Variants in SORCS1 observed in about 807,000 individuals in gnomAD.
SORCS1 encodes sortilin related VPS10 domain containing receptor 1, also known as VPS10 domain-containing receptor SorCS1.
Under a neutral mutation model 146.1 loss-of-function variants are expected in SORCS1, and 60 were observed. That is an observed-to-expected ratio of 0.41 (90% CI 0.33 to 0.51). SORCS1 has a LOEUF of 0.51. Ranked by LOEUF, SORCS1 falls within the 20% of genes least tolerant of loss-of-function variation. The pLI is 0.21. For missense variants in SORCS1, 1,352 were observed against 1,487.6 expected (o/e 0.91, Z 1.50); for synonymous variants, 637 against 584.0 (o/e 1.09, Z -1.31).
At chr10:106,588,562 A>G (rs892909997) in intron 24 of SORCS1, among the ~76,000 whole-genome samples, 2 of 152,136 alleles carry the variant, frequency 1.3e-5, no homozygotes, top group African/African-American at 4.8e-5. Flanking sequence ...GAAACTTGCT[A>G]AAAATGAAGA....
At chr10:107,162,804 G>A (rs1259531026) in intron 1 of SORCS1, among the ~76,000 whole-genome samples, 1 of 152,166 alleles carries the variant, frequency 6.6e-6, no homozygotes, top group African/African-American at 2.4e-5. Flanking sequence ...AACAGAAAAC[G>A]TTTTGAAAGG....
chr10:106,894,664 A>G, intron 2 of SORCS1, among the ~76,000 whole-genome samples: 1 of 152,220 alleles, frequency 6.6e-6, no homozygotes, highest in East Asian at 1.9e-4. Context: ...TAAGAAAAGC[A>G]GTTGCTCATG....
chr10:106,981,266 G>A (rs1956236272), intron 1 of SORCS1, among the ~76,000 whole-genome samples: 1 of 152,182 alleles, frequency 6.6e-6, no homozygotes, highest in African/African-American at 2.4e-5. Context: ...TTGCAAGAAT[G>A]CATTTGTGGT....
intron 18 of SORCS1, among the ~76,000 whole-genome samples, chr10:106,646,938 T>C (rs1311620446): frequency 6.7e-6 from 1 of 149,600 alleles, no homozygotes; most frequent in Non-Finnish European, 1.5e-5. Flanking sequence ...ATATGTTTCT[T>C]GACTCTCCTT....
At chr10:106,954,004 T>G (rs542553964) in intron 2 of SORCS1, among the ~76,000 whole-genome samples, 1 of 152,308 alleles carries the variant, frequency 6.6e-6, no homozygotes, top group Admixed American at 6.5e-5. Flanking sequence ...TGATGCCATT[T>G]TTTAAATTAA....
intron 1 of SORCS1, among the ~76,000 whole-genome samples, chr10:107,079,182 C>T (rs139589619): frequency 4.0e-4 from 61 of 150,858 alleles, no homozygotes; most frequent in East Asian, 3.1e-3. Flanking sequence ...GCTGAGATTG[C>T]GCCACTGCAC....
At chr10:107,157,408 GT>G (rs932393471) in intron 1 of SORCS1, among the ~76,000 whole-genome samples, 3 of 151,952 alleles carry the variant, frequency 2.0e-5, no homozygotes, top group Non-Finnish European at 4.4e-5. Context: ...GGAACATCTT[GT>G]TTTTTTTATC....
At chr10:107,173,475 T>C in the SORCS1 span, among the ~76,000 whole-genome samples, 59 of 152,180 alleles carry the variant, frequency 3.9e-4, no homozygotes, top group African/African-American at 1.4e-3. Context: ...TCACTATTTA[T>C]ATATACATTA....
chr10:107,091,828 A>G (rs1388972403), intron 1 of SORCS1, among the ~76,000 whole-genome samples: 2 of 152,230 alleles, frequency 1.3e-5, no homozygotes, highest in African/African-American at 4.8e-5. Context: ...CCAGATGGTA[A>G]AATGCAAAAA....
chr10:107,023,986 C>A (rs1301252955), intron 1 of SORCS1, among the ~76,000 whole-genome samples: 2 of 151,896 alleles, frequency 1.3e-5, no homozygotes, highest in Non-Finnish European at 2.9e-5. Flanking sequence ...CCAGCCTGAC[C>A]AACATGGTGA....
At chr10:106,829,455 A>G (rs946880102) in intron 3 of SORCS1, 119 bp downstream of exon 3, 2 of 665,236 alleles carry the variant, frequency 3.0e-6, no homozygotes, top group South Asian at 2.2e-5. Context: ...CCATCAACCC[A>G]TCTTTACATT....
chr10:106,793,367 TAA>T (rs148522909), intron 3 of SORCS1, among the ~76,000 whole-genome samples: 1,532 of 152,302 alleles, frequency 0.01, 18 homozygotes, highest in African/African-American at 0.033. Flanking sequence ...TCAGTTTGGC[TAA>T]AGTTAGGCAA....
chr10:107,098,816 A>C (rs2134363321), intron 1 of SORCS1, among the ~76,000 whole-genome samples: 1 of 152,338 alleles, frequency 6.6e-6, no homozygotes, highest in South Asian at 2.1e-4. Flanking sequence ...CTGGGAAAAC[A>C]CATATTAATA....
chr10:106,869,111 G>A (rs527437521), intron 2 of SORCS1, among the ~76,000 whole-genome samples: 7 of 152,066 alleles, frequency 4.6e-5, no homozygotes, highest in Non-Finnish European at 1.0e-4. Flanking sequence ...CAAATTTGTG[G>A]ACACATACAC....
intron 18 of SORCS1, 147 bp downstream of exon 18, chr10:106,652,235 G>T (rs1439898003): frequency 1.3e-6 from 1 of 753,288 alleles, no homozygotes; most frequent in Non-Finnish European, 2.0e-6. Flanking sequence ...GATAATAAAA[G>T]AAAAACAAGG....
chr10:107,018,514 A>T (rs1957994108), intron 1 of SORCS1, among the ~76,000 whole-genome samples: 1 of 152,096 alleles, frequency 6.6e-6, no homozygotes, highest in South Asian at 2.1e-4. Flanking sequence ...AAACCTAAGC[A>T]TAAAAAATAC....
rs752058347 is a variant in SORCS1 at position 106,652,484 on chromosome 10, C to T, written c.2373G>A (p.Lys791=). 1 of 1,614,158 alleles carries T rather than the reference C, an allele frequency of 6.2e-7. No individual in the cohort carries two copies. The highest frequency in any genetic ancestry group is 2.2e-5 in the East Asian group (1 of 44,874). Residue 791 remains lysine, a synonymous_variant, in exon 18 of 26, where the codon AAG becomes AAA. Coordinates refer to ENST00000263054, the MANE Select transcript of SORCS1 (RefSeq NM_052918.5). ...GCCCCCGCGGGGCTTTCCCTGGGCA[C>T]TTCTGCGGTTTGGCAGTGTACTGTT... is the stretch of plus-strand genomic sequence containing the variant. ...VREQYTAKPQ[K]CPGKAPRGLR...
chr10:106,869,401 T>G (rs1438450852), intron 2 of SORCS1, among the ~76,000 whole-genome samples: 1 of 152,064 alleles, frequency 6.6e-6, no homozygotes, highest in African/African-American at 2.4e-5. Context: ...AAGAGAAAAT[T>G]TTAGGCCAAT....
At chr10:106,741,624 G>T (rs6584764) in intron 5 of SORCS1, among the ~76,000 whole-genome samples, 27,154 of 150,978 alleles carry the variant, frequency 0.18, 4,002 homozygotes, top group African/African-American at 0.41. Context: ...ATTATATATA[G>T]AGAGAGAGAG....
Sources: gnomAD v4.1 joint callset for allele counts (sites outside exome capture counted in the v4.1 genomes callset) on GRCh38, gnomAD v4.1.1 for gene constraint, MANE v1.5 for transcripts, NCBI Gene and HGNC (gene_info 2026-07-23, HGNC 2026-07-21) for gene names.